Variants in PHC1 observed in about 807,000 individuals in gnomAD.
PHC1 encodes the protein polyhomeotic-like protein 1.
A neutral mutation model predicts 104.3 loss-of-function variants in PHC1; 12 were observed. That is an observed-to-expected ratio of 0.12 (90% CI 0.07 to 0.19). The LOEUF (loss-of-function observed/expected upper bound fraction) is 0.19. Ranked by LOEUF, PHC1 falls within the 10% of genes least tolerant of loss-of-function variation. PHC1 has a pLI of 1.00. For missense variants in PHC1, 671 were observed against 1,200.0 expected (o/e 0.56, Z 6.51); for synonymous variants, 302 against 455.8 (o/e 0.66, Z 4.30).
chr12:8,916,669 T>C (rs1434993460), intron 1 of PHC1, among the ~76,000 whole-genome samples: 1 of 152,088 alleles, frequency 6.6e-6, no homozygotes, highest in Non-Finnish European at 1.5e-5. Flanking sequence ...AATTCTGACA[T>C]GTTAGTAGAT....
rs749542668 is a variant in PHC1 at position 8,918,537 on chromosome 12, G to C, written c.114+746G>C. On this transcript the variant is annotated intron_variant, in intron 2 of 14. Coordinates refer to ENST00000544916, the MANE Select transcript of PHC1 (RefSeq NM_004426.3). ...CTGTTGCCCTGGCTGGAGTGCAGTG[G>C]TGCGATCAGTGCTCACTGCAGCCTC... Among the ~76,000 whole-genome samples, 8 of 152,052 alleles carry C rather than the reference G, an allele frequency of 5.3e-5. No individual in the cohort carries two copies. In the South Asian group the frequency reaches 1.7e-3, roughly 32 times the overall value.
chr12:8,915,813 T>G (rs1340559664), intron 1 of PHC1: 1 of 153,068 alleles, frequency 6.5e-6, no homozygotes, highest in Non-Finnish European at 1.5e-5. Flanking sequence ...GACTTTTAAG[T>G]TGGTCCCTTT....
At chr12:8,930,999 C>G in intron 7 of PHC1, 72 bp downstream of exon 7, 1 of 1,481,254 alleles carries the variant, frequency 6.8e-7, no homozygotes, top group Non-Finnish European at 9.0e-7. Context: ...CTTTTTTTGC[C>G]TTTTTTTCTT....
chr12:8,937,072 CT>C (rs1945858983), intron 12 of PHC1, 103 bp from the exon 13 acceptor site: 6 of 1,440,274 alleles, frequency 4.2e-6, no homozygotes, highest in Admixed American at 1.7e-5. Context: ...TCCCTCCTTG[CT>C]TTTATTCCCT....
In PHC1 at chr12:8,919,735, T is replaced by G. The variant is rs1454770703; in HGVS notation, c.115-21T>G. On this transcript the variant is annotated intron_variant, in intron 2 of 14. Coordinates refer to ENST00000544916, the MANE Select transcript of PHC1 (RefSeq NM_004426.3). This position sits in a 1 kb window ranked among gnomAD's most constrained non-coding sequence, Gnocchi z 4.9. The stretch of plus-strand genomic sequence containing the variant: ...AGCTAGGAGTGGTCCATTCTAAATG[T>G]TTTATCCTCTCTTTTCCTAGGCTCT... 1.2e-6 allele frequency: 2 copies of G among 1,606,298 alleles called. No individual in the cohort carries two copies. Among genetic ancestry groups the G allele is most frequent in the Non-Finnish European group, 1.7e-6 (2 of 1,176,176 alleles).
chr12:8,937,793 A>T (rs1247875833), intron 13 of PHC1, 36 bp from the exon 14 acceptor site: 1 of 1,537,120 alleles, frequency 6.5e-7, no homozygotes, highest in South Asian at 1.1e-5. Flanking sequence ...TAAACCTTTG[A>T]CACTGACCTC....
chr12:8,927,742 GCTC>G, intron 6 of PHC1, among the ~76,000 whole-genome samples: 1 of 152,262 alleles, frequency 6.6e-6, no homozygotes, highest in Admixed American at 6.5e-5. Context: ...AATATTATGT[GCTC>G]TAGCACCCAA....
intron 11 of PHC1, among the ~76,000 whole-genome samples, chr12:8,936,026 A>G (rs1389960988): frequency 6.6e-6 from 1 of 151,890 alleles, no homozygotes; most frequent in Non-Finnish European, 1.5e-5. Context: ...GGCCTCCCAA[A>G]GTGCTGGGAT....
chr12:8,926,548 G>A (rs1266736948), intron 6 of PHC1, among the ~76,000 whole-genome samples: 2 of 152,038 alleles, frequency 1.3e-5, no homozygotes, highest in African/African-American at 4.8e-5. Context: ...TTGAACCTGG[G>A]AGGTGGAGGT....
chr12:8,929,254 A>G (rs752541690), intron 6 of PHC1, among the ~76,000 whole-genome samples: 1 of 152,300 alleles, frequency 6.6e-6, no homozygotes, highest in Non-Finnish European at 1.5e-5. Context: ...TGGAGTACTG[A>G]CTATGTGCCG....
chr12:8,927,949 C>T (rs1945576514), intron 6 of PHC1, among the ~76,000 whole-genome samples: 1 of 134,532 alleles, frequency 7.4e-6, no homozygotes, highest in African/African-American at 2.8e-5. Context: ...CTCTGTTGCT[C>T]AGGCTGGAGT....
At chr12:8,936,319 T>C (rs1161562561) in intron 11 of PHC1, among the ~76,000 whole-genome samples, 1 of 152,028 alleles carries the variant, frequency 6.6e-6, no homozygotes, top group African/African-American at 2.4e-5. Flanking sequence ...GAGGTGGAGG[T>C]TGCAGCGATC....
At chr12:8,916,993 T>C (rs1350964567) in intron 1 of PHC1, among the ~76,000 whole-genome samples, 1 of 152,216 alleles carries the variant, frequency 6.6e-6, no homozygotes, top group African/African-American at 2.4e-5. Flanking sequence ...CTACTCACTA[T>C]CATAGTGAAT....
In PHC1 at chr12:8,917,699, A is replaced by C; in HGVS notation, c.22A>C (p.Asn8His). The C allele has an allele frequency of 1.3e-6, 2 of 1,565,338 alleles. No individual in the cohort carries two copies. The highest frequency in any genetic ancestry group is 1.7e-6 in the Non-Finnish European group (2 of 1,158,856). ...TATCATGGAGACTGAGAGCGAGCAG[A>C]ACTCCAATTCCACCAATGGGAGTTC... is the stretch of plus-strand genomic sequence containing the variant. Reference protein sequence around the residue: METESEQNSNSTNGSSSS... With the variant: METESEQHSNSTNGSSSS... The change falls in exon 2 of 15, where the codon AAC (asparagine) becomes CAC (histidine). Residue 8 changes from asparagine to histidine, a missense_variant. Physicochemically the swap from Asn to His is moderately conservative, Grantham distance 68. This residue lies in a region of PHC1 where 237 missense variants were observed against 331.1 expected (regional missense o/e 0.72). Coordinates refer to ENST00000544916, the MANE Select transcript of PHC1 (RefSeq NM_004426.3).
At chr12:8,922,831 A>G in intron 6 of PHC1, 43 bp downstream of exon 6, 2 of 1,571,880 alleles carry the variant, frequency 1.3e-6, no homozygotes, top group Non-Finnish European at 1.7e-6. Flanking sequence ...ACTGGGCAGG[A>G]TGAAGGGAAT....
At chr12:8,927,855 TTCTTTCTTTCTTTC>T (rs1317932559) in intron 6 of PHC1, among the ~76,000 whole-genome samples, 13 of 34,156 alleles carry the variant, frequency 3.8e-4, no homozygotes, top group African/African-American at 1.1e-3. Context: ...TGTACTAGTT[TTCTTTCTTTCTTTC>T]TTTCTTTCTT....
intron 11 of PHC1, 140 bp downstream of exon 11, chr12:8,935,378 C>T (rs1945805558): frequency 1.8e-6 from 1 of 553,196 alleles, no homozygotes. Context: ...GTAATCCCAG[C>T]ACTTTGGGAG....
At chr12:8,930,376 T>C (rs1945647135) in intron 6 of PHC1, 59 bp from the exon 7 acceptor site, 3 of 1,563,750 alleles carry the variant, frequency 1.9e-6, no homozygotes, top group Non-Finnish European at 1.7e-6. Flanking sequence ...TGCTTTTGAA[T>C]CTTTAACCTT....
intron 6 of PHC1, among the ~76,000 whole-genome samples, chr12:8,923,064 C>G (rs1017797506): frequency 1.3e-5 from 2 of 152,134 alleles, no homozygotes; most frequent in Non-Finnish European, 2.9e-5. Flanking sequence ...TCCTTCTAGT[C>G]CTCTGTGGGT....
Sources: gnomAD v4.1 joint callset for allele counts (sites outside exome capture counted in the v4.1 genomes callset) on GRCh38, gnomAD v4.1.1 for gene constraint, gnomAD v4.1.1 regional missense constraint, Gnocchi (gnomAD v3.1) non-coding constraint, MANE v1.5 for transcripts, NCBI Gene and HGNC (gene_info 2026-07-23, HGNC 2026-07-21) for gene names.